RNF212B: variants seen among roughly 807,000 people sequenced by gnomAD.
The protein encoded by RNF212B is E3 ubiquitin-protein ligase RNF212B.
Under a neutral mutation model 55.5 loss-of-function variants are expected in RNF212B, and 52 were observed. That is an observed-to-expected ratio of 0.94 (90% CI 0.75 to 1.18). RNF212B has a LOEUF of 1.18. RNF212B is among the 50% of genes most tolerant of loss of function. RNF212B has a pLI of 0.00. For synonymous variants in RNF212B, 99 were observed against 121.4 expected (o/e 0.82, Z 1.21); for missense variants, 289 against 350.4 (o/e 0.82, Z 1.40).
At position 23,264,166 on chromosome 14, in the gene RNF212B, T is replaced by G; in HGVS notation, c.525-8T>G. On this transcript the variant is annotated splice_region_variant and splice_polypyrimidine_tract_variant and intron_variant, in intron 9 of 14. Transcript: ENST00000430154. ...GCCTTTTTTTTCTTTTTGTTTCACC[T>G]TATACAGTCGGTCCTCCTCAGCGGA... 1.9e-6 allele frequency: 3 copies of G among 1,546,672 alleles called. No homozygotes were observed. Among genetic ancestry groups the G allele is most frequent in the African/African-American group, 1.4e-5 (1 of 73,038 alleles).
At chr14:23,189,350 A>G (rs1272442870) in intron 1 of RNF212B, among the ~76,000 whole-genome samples, 1 of 151,998 alleles carries the variant, frequency 6.6e-6, no homozygotes, top group Non-Finnish European at 1.5e-5. Context: ...CTGTGTTCCT[A>G]TGTATCTCCC....
At chr14:23,263,785 A>G (rs1211837359) in intron 9 of RNF212B, among the ~76,000 whole-genome samples, 3 of 152,124 alleles carry the variant, frequency 2.0e-5, no homozygotes. Flanking sequence ...TGCTAACAAC[A>G]TATAAAGCTA....
In RNF212B at chr14:23,186,418, C is replaced by T. The variant is rs149732841; in HGVS notation, c.-79+928C>T. On this transcript the variant is annotated intron_variant, in intron 1 of 15. Transcript: ENST00000399910. ...ACTGCAGTGGTGCGATCTCGGCTCT[C>T]GGCTCACTGCAACCTCTGGCTCCTA... 4.0e-5 allele frequency among the ~76,000 whole-genome samples: 6 copies of T among 151,468 alleles called. No homozygotes were observed. The East Asian group carries it at 9.8e-4, about 25-fold the overall frequency.
At chr14:23,257,013 C>T (rs890770954) in intron 4 of RNF212B, among the ~76,000 whole-genome samples, 10 of 151,902 alleles carry the variant, frequency 6.6e-5, no homozygotes, top group Non-Finnish European at 1.5e-4. Context: ...ATTAGCCAGG[C>T]GTGGTGGCGG....
chr14:23,207,334 T>C (rs907919966), intron 2 of RNF212B, among the ~76,000 whole-genome samples: 1 of 152,112 alleles, frequency 6.6e-6, no homozygotes, highest in Non-Finnish European at 1.5e-5. Flanking sequence ...TCTACTATTC[T>C]AGAGGCAGGA....
At chr14:23,243,701 AAAAAAAAAAAAAAAAAAAGC>A (rs1883774102) in intron 3 of RNF212B, among the ~76,000 whole-genome samples, 1 of 137,858 alleles carries the variant, frequency 7.3e-6, no homozygotes, top group African/African-American at 3.0e-5. Context: ...TCTCAAAAAA[AAAAAAAAAAAAAAAAAAAGC>A]AAGCAAGCAA....
chr14:23,201,201 G>T (rs2140369204), intron 2 of RNF212B, among the ~76,000 whole-genome samples: 1 of 152,190 alleles, frequency 6.6e-6, no homozygotes, highest in South Asian at 2.1e-4. Context: ...TCTCTATTCT[G>T]ATGTCACAAT....
At chr14:23,264,743 A>G (rs1885552820) in intron 11 of RNF212B, 72 bp downstream of exon 11, 1 of 914,958 alleles carries the variant, frequency 1.1e-6, no homozygotes, top group Non-Finnish European at 1.5e-6. Flanking sequence ...CTGGTTTTCT[A>G]TGCATAATAT....
intron 4 of RNF212B, among the ~76,000 whole-genome samples, chr14:23,251,626 G>A (rs1411618142): frequency 5.9e-5 from 9 of 152,260 alleles, no homozygotes; most frequent in African/African-American, 2.2e-4. Flanking sequence ...GACCAGCCTG[G>A]CCAACATGGT....
At chr14:23,238,780 A>AATAATCATCATCATCATCATC (rs1343117592) in intron 1 of RNF212B, among the ~76,000 whole-genome samples, 5 of 145,686 alleles carry the variant, frequency 3.4e-5, no homozygotes, top group East Asian at 2.0e-4. Context: ...TAATAATAAT[A>AATAATCATCATCATCATCATC]ATCCCACAAA....
intron 2 of RNF212B, among the ~76,000 whole-genome samples, chr14:23,218,184 C>T (rs1196628544): frequency 2.7e-5 from 4 of 147,900 alleles, no homozygotes; most frequent in East Asian, 2.0e-4. Context: ...TTGGCTAACA[C>T]GGTGAAACCC....
At chr14:23,262,757 T>C in intron 8 of RNF212B, 46 bp downstream of exon 8, 1 of 1,519,892 alleles carries the variant, frequency 6.6e-7, no homozygotes, top group African/African-American at 1.4e-5. Context: ...ATGAATATCC[T>C]TTCCTTATGT....
At chr14:23,261,855 C>T (rs1021499206) in intron 7 of RNF212B, among the ~76,000 whole-genome samples, 18 of 151,792 alleles carry the variant, frequency 1.2e-4, no homozygotes, top group African/African-American at 4.1e-4. Flanking sequence ...GTCCCAGCTG[C>T]TCGGGAGGCT....
intron 2 of RNF212B, among the ~76,000 whole-genome samples, chr14:23,232,831 G>GTACCCAACA: frequency 9.1e-6 from 1 of 110,338 alleles, no homozygotes; most frequent in African/African-American, 2.9e-5. Context: ...TCTGGGAGGT[G>GTACCCAACA]GGGGTGCCTC....
chr14:23,270,038 C>G, intron 13 of RNF212B, 78 bp downstream of exon 13: 1 of 856,614 alleles, frequency 1.2e-6, no homozygotes, highest in Non-Finnish European at 1.9e-6. Context: ...TTCAAGATGA[C>G]AAGATGTTGA....
At position 23,200,532 on chromosome 14, in the gene RNF212B, G is replaced by A. The variant is rs1879191533; in HGVS notation, c.-2+7131G>A. Among the ~76,000 whole-genome samples, 4 of 152,146 alleles carry A rather than the reference G, an allele frequency of 2.6e-5. No individual in the cohort carries two copies. In the South Asian group the frequency reaches 8.3e-4, roughly 32 times the overall value. On this transcript the variant is annotated intron_variant, in intron 2 of 15. Transcript: ENST00000399910. ...GCAGAGATGGGGTTTCACCATGTTG[G>A]CCAGGCTGGTCTCGAACTCCTGGCC...
chr14:23,191,438 ATTTG>A (rs947285788), intron 1 of RNF212B, among the ~76,000 whole-genome samples: 15 of 151,550 alleles, frequency 9.9e-5, no homozygotes, highest in African/African-American at 3.6e-4. Context: ...ACTTAACATA[ATTTG>A]TTTGTTTGTT....
chr14:23,255,611 A>C (rs1859903370), intron 4 of RNF212B, among the ~76,000 whole-genome samples: 1 of 152,180 alleles, frequency 6.6e-6, no homozygotes, highest in Non-Finnish European at 1.5e-5. Flanking sequence ...CTTTAAGAAA[A>C]AGTAAGTTAT....
chr14:23,232,566 C>T (rs1376598456), intron 2 of RNF212B, among the ~76,000 whole-genome samples: 2 of 151,654 alleles, frequency 1.3e-5, no homozygotes, highest in Non-Finnish European at 2.9e-5. Flanking sequence ...TCAGCCCCCG[C>T]CCAGCAGCCA....
Sources: gnomAD v4.1 joint callset for allele counts (sites outside exome capture counted in the v4.1 genomes callset) on GRCh38, gnomAD v4.1.1 for gene constraint, MANE v1.5 for transcripts, NCBI Gene and HGNC (gene_info 2026-07-23, HGNC 2026-07-21) for gene names.